The following CNST variants were observed in gnomAD, a reference collection of about 807,000 sequenced individuals.
CNST encodes the protein consortin, connexin sorting protein, also known as consortin.
CNST carries 39 observed loss-of-function variants against 72.4 expected under a neutral mutation model. The ratio of observed to expected loss-of-function variants is 0.54; its 90% CI spans 0.42 to 0.70. CNST has a LOEUF of 0.70. Ranked by LOEUF, CNST falls within the 30% of genes least tolerant of loss-of-function variation. The pLI is 0.00. For synonymous variants in CNST, 332 were observed against 320.1 expected (o/e 1.04, Z -0.40); for missense variants, 871 against 868.5 (o/e 1.00, Z -0.04).
At chr1:246,663,436 A>C (rs997754328) in intron 10 of CNST, among the ~76,000 whole-genome samples, 6 of 152,148 alleles carry the variant, frequency 3.9e-5, no homozygotes, top group Admixed American at 6.5e-5. Flanking sequence ...ACATATTTTC[A>C]TACATAGGTA....
chr1:246,587,576 A>T (rs1412111229), intron 1 of CNST, among the ~76,000 whole-genome samples: 2 of 152,230 alleles, frequency 1.3e-5, no homozygotes, highest in Non-Finnish European at 2.9e-5. Flanking sequence ...ACAAAGAGGT[A>T]TTTAAAACCA....
chr1:246,584,928 C>G (rs932605715), intron 1 of CNST, among the ~76,000 whole-genome samples: 2 of 152,130 alleles, frequency 1.3e-5, no homozygotes, highest in African/African-American at 2.4e-5. Context: ...CTGAATATTA[C>G]ATATGAAAAG....
chr1:246,589,510 A>G (rs1020271691), intron 1 of CNST, among the ~76,000 whole-genome samples: 1 of 151,840 alleles, frequency 6.6e-6, no homozygotes, highest in Non-Finnish European at 1.5e-5. Context: ...AATCCAGTCT[A>G]TCATTGTTGG....
At chr1:246,627,499 G>T (rs969761360) in intron 3 of CNST, among the ~76,000 whole-genome samples, 2 of 152,206 alleles carry the variant, frequency 1.3e-5, no homozygotes, top group Admixed American at 6.5e-5. Flanking sequence ...GAAACAGGAA[G>T]GTGTGAGATA....
chr1:246,604,342 AACT>A (rs1309985009), intron 2 of CNST, among the ~76,000 whole-genome samples: 5 of 152,218 alleles, frequency 3.3e-5, no homozygotes, highest in South Asian at 2.1e-4. Flanking sequence ...AAAATTTAAA[AACT>A]ACTAGTGTAA....
chr1:246,632,465 A>C (rs997374897), intron 4 of CNST: 2 of 204,186 alleles, frequency 9.8e-6, no homozygotes, highest in African/African-American at 2.4e-5. Context: ...GCAGGCAAGA[A>C]GACAGCCAGC....
At chr1:246,600,581 GAA>G (rs560777126) in intron 2 of CNST, among the ~76,000 whole-genome samples, 17 of 152,142 alleles carry the variant, frequency 1.1e-4, no homozygotes, top group African/African-American at 4.1e-4. Flanking sequence ...AATTAGATAT[GAA>G]AAAAAGAGTC....
intron 9 of CNST, among the ~76,000 whole-genome samples, chr1:246,649,424 T>C (rs1019847471): frequency 6.6e-6 from 1 of 152,214 alleles, no homozygotes; most frequent in African/African-American, 2.4e-5. Context: ...CCGGTATTCA[T>C]TCTCTTGTAC....
chr1:246,569,320 G>A (rs1659918455), intron 1 of CNST, among the ~76,000 whole-genome samples: 2 of 152,004 alleles, frequency 1.3e-5, no homozygotes, highest in South Asian at 4.2e-4. Flanking sequence ...ATAAAATCTG[G>A]TATTTTATAC....
intron 6 of CNST, among the ~76,000 whole-genome samples, chr1:246,637,059 T>C (rs1310229080): frequency 1.3e-5 from 2 of 152,184 alleles, no homozygotes; most frequent in East Asian, 1.9e-4. Flanking sequence ...TGGAAGCAGG[T>C]GTTTAGTCTT....
intron 1 of CNST, among the ~76,000 whole-genome samples, chr1:246,589,221 C>G (rs1203691669): frequency 6.6e-6 from 1 of 151,292 alleles, no homozygotes; most frequent in Non-Finnish European, 1.5e-5. Flanking sequence ...CCCATTAACT[C>G]GTCATCTAGC....
intron 3 of CNST, among the ~76,000 whole-genome samples, chr1:246,623,717 G>A (rs1172474265): frequency 6.6e-6 from 1 of 151,656 alleles, no homozygotes; most frequent in Non-Finnish European, 1.5e-5. Flanking sequence ...GGCGGAGATC[G>A]CACCACTGCA....
chr1:246,619,315 G>A (rs12077053), intron 2 of CNST, among the ~76,000 whole-genome samples: 2,104 of 152,244 alleles, frequency 0.014, 50 homozygotes, highest in African/African-American at 0.047. Context: ...AAAATGGCAG[G>A]CCATCACTGG....
chr1:246,567,675 A>G (rs1046402553), intron 1 of CNST, among the ~76,000 whole-genome samples: 1 of 152,248 alleles, frequency 6.6e-6, no homozygotes, highest in Non-Finnish European at 1.5e-5. Flanking sequence ...TTTGTGTATT[A>G]TAAATTTGTT....
intron 1 of CNST, among the ~76,000 whole-genome samples, chr1:246,572,762 C>T (rs1238264847): frequency 6.6e-6 from 1 of 152,002 alleles, no homozygotes; most frequent in African/African-American, 2.4e-5. Flanking sequence ...AGGGTTTCGC[C>T]ATGTTGCCTA....
intron 8 of CNST, among the ~76,000 whole-genome samples, 166 bp from the exon 9 acceptor site, chr1:246,646,973 T>C (rs1329545529): frequency 6.6e-6 from 1 of 152,258 alleles, no homozygotes. Context: ...TTACTAAATA[T>C]TTTGGGTATT....
Position 246,573,978 on chromosome 1 carries a change from G to T in CNST, c.-52+7315G>T, listed in dbSNP as rs182800324. On this transcript the variant is annotated intron_variant, in intron 1 of 10. Transcript: ENST00000366513. ...TATTTTATTAGAAACTCGAAGTGGT[G>T]GGGGGTAGAAGTACACATCTTTGCC... 1.2e-3 allele frequency among the ~76,000 whole-genome samples: 187 copies of T among 152,302 alleles called. 1 individual carries two copies. The highest frequency in any genetic ancestry group is 4.2e-3 in the African/African-American group (174 of 41,554).
intron 8 of CNST, 100 bp from the exon 9 acceptor site, chr1:246,647,039 A>T: frequency 9.4e-7 from 1 of 1,066,986 alleles, no homozygotes; most frequent in Non-Finnish European, 1.3e-6. Flanking sequence ...TGAAAGGGTT[A>T]GAATATTGCT....
At chr1:246,595,857 C>CAAAGGCTA (rs930768621) in intron 2 of CNST, among the ~76,000 whole-genome samples, 8 of 152,022 alleles carry the variant, frequency 5.3e-5, no homozygotes, top group African/African-American at 1.9e-4. Context: ...TACTACTGTC[C>CAAAGGCTA]AAAGGCTAGT....
Sources: gnomAD v4.1 joint callset for allele counts (sites outside exome capture counted in the v4.1 genomes callset) on GRCh38, gnomAD v4.1.1 for gene constraint, MANE v1.5 for transcripts, NCBI Gene and HGNC (gene_info 2026-07-23, HGNC 2026-07-21) for gene names.